CACHD1: variants seen among roughly 807,000 people sequenced by gnomAD.
The protein encoded by CACHD1 is cache domain containing 1, also known as VWFA and cache domain-containing protein 1.
CACHD1 carries 71 observed loss-of-function variants against 138.7 expected under a neutral mutation model. That is an observed-to-expected ratio of 0.51 (90% CI 0.42 to 0.62). CACHD1 has a LOEUF of 0.62. Among genes scored for constraint, CACHD1 ranks in the 20% least tolerant of loss-of-function variants. The pLI, the probability that CACHD1 is intolerant of heterozygous loss-of-function variation, is 0.00. For missense variants in CACHD1, 1,389 were observed against 1,625.3 expected (o/e 0.85, Z 2.50); for synonymous variants, 578 against 591.5 (o/e 0.98, Z 0.33).
chr1:64,550,760 C>T, intron 2 of CACHD1, 104 bp downstream of exon 2: 1 of 731,984 alleles, frequency 1.4e-6, no homozygotes, highest in Non-Finnish European at 2.4e-6. Context: ...CCTGTTCTTT[C>T]TCTCTGTATA....
At chr1:64,530,565 G>T (rs2100399929) in intron 1 of CACHD1, among the ~76,000 whole-genome samples, 1 of 151,952 alleles carries the variant, frequency 6.6e-6, no homozygotes, top group East Asian at 1.9e-4. Flanking sequence ...CTCTTCCCTG[G>T]AATGGTTACT....
intron 4 of CACHD1, chr1:64,613,469 C>G (rs1360753808): frequency 6.6e-6 from 1 of 152,110 alleles, no homozygotes; most frequent in African/African-American, 2.4e-5. Flanking sequence ...ACTTTATTGC[C>G]TTACTCACTT....
intron 13 of CACHD1, among the ~76,000 whole-genome samples, 157 bp from the exon 14 acceptor site, chr1:64,663,538 G>A (rs1307192340): frequency 2.8e-5 from 4 of 142,686 alleles, no homozygotes; most frequent in African/African-American, 7.9e-5. Context: ...GCCACAGAGC[G>A]AGACTCCATC....
intron 2 of CACHD1, among the ~76,000 whole-genome samples, chr1:64,569,273 AACAC>A (rs1646908023): frequency 6.6e-6 from 1 of 152,232 alleles, no homozygotes; most frequent in Admixed American, 6.5e-5. Context: ...TAAAAAAATA[AACAC>A]ACACAAATAT....
At chr1:64,659,026 C>T (rs1649355651) in intron 13 of CACHD1, among the ~76,000 whole-genome samples, 153 bp downstream of exon 13, 1 of 152,126 alleles carries the variant, frequency 6.6e-6, no homozygotes, top group African/African-American at 2.4e-5. Flanking sequence ...GATTTGAAGC[C>T]TGGCCTCAAA....
chr1:64,593,378 A>T (rs1217365580), intron 3 of CACHD1, among the ~76,000 whole-genome samples: 1 of 152,194 alleles, frequency 6.6e-6, no homozygotes, highest in Non-Finnish European at 1.5e-5. Context: ...CACATGGAAA[A>T]TATGATATAA....
intron 1 of CACHD1, among the ~76,000 whole-genome samples, chr1:64,538,156 T>C (rs72929127): frequency 0.065 from 9,943 of 152,216 alleles, 491 homozygotes; most frequent in African/African-American, 0.14. Flanking sequence ...TGAAAAACGA[T>C]ATAGTCAGGA....
intron 2 of CACHD1, among the ~76,000 whole-genome samples, chr1:64,554,469 C>T (rs1333849824): frequency 6.6e-6 from 1 of 152,170 alleles, no homozygotes; most frequent in Non-Finnish European, 1.5e-5. Context: ...CAGACTGCTT[C>T]CACAGTGGCT....
chr1:64,673,062 T>C (rs771784574), intron 17 of CACHD1, 96 bp from the exon 18 acceptor site: 21 of 1,025,382 alleles, frequency 2.0e-5, no homozygotes, highest in Middle Eastern at 3.2e-4. Context: ...TAAATGCAGT[T>C]TGTTTCAGGG....
At chr1:64,583,393 A>G (rs1303806856) in intron 3 of CACHD1, among the ~76,000 whole-genome samples, 3 of 152,308 alleles carry the variant, frequency 2.0e-5, no homozygotes, top group African/African-American at 7.2e-5. Flanking sequence ...CTAACACTCA[A>G]TACCCACATG....
At chr1:64,485,360 A>G (rs1461012322) in intron 1 of CACHD1, among the ~76,000 whole-genome samples, 5 of 152,056 alleles carry the variant, frequency 3.3e-5, no homozygotes, top group Admixed American at 3.3e-4. Flanking sequence ...TATTCTCCAT[A>G]TCTATAGTTT....
intron 1 of CACHD1, among the ~76,000 whole-genome samples, chr1:64,539,599 C>T (rs140633779): frequency 6.6e-6 from 1 of 152,138 alleles, no homozygotes; most frequent in Non-Finnish European, 1.5e-5. Flanking sequence ...AATATGCAGG[C>T]CAATGTGTAG....
intron 4 of CACHD1, among the ~76,000 whole-genome samples, chr1:64,626,377 A>G (rs1241230546): frequency 1.3e-5 from 2 of 152,250 alleles, no homozygotes; most frequent in Non-Finnish European, 2.9e-5. Context: ...CAGATAACAT[A>G]TTGCTACTGG....
intron 2 of CACHD1, among the ~76,000 whole-genome samples, chr1:64,555,147 C>T (rs1646787304): frequency 6.6e-6 from 1 of 152,000 alleles, no homozygotes; most frequent in Non-Finnish European, 1.5e-5. Context: ...CACCACCATG[C>T]CCAGTTCATT....
chr1:64,471,215 A>G (rs1646142114), intron 1 of CACHD1, among the ~76,000 whole-genome samples: 1 of 152,108 alleles, frequency 6.6e-6, no homozygotes, highest in Admixed American at 6.5e-5. Flanking sequence ...TCTTCTGAGT[A>G]CCAGCGCCTT....
chr1:64,470,727 G>A lies in CACHD1; in HGVS notation c.-18G>A, dbSNP rs1646138014. On this transcript the variant is annotated 5_prime_UTR_variant, in exon 1 of 27. Coordinates refer to ENST00000651257, the MANE Select transcript of CACHD1 (RefSeq NM_020925.4). This position sits in a 1 kb window ranked among gnomAD's most constrained non-coding sequence, Gnocchi z 5.2. ...CCCCGCGCCCGGAGCCCGTCGGCGG[G>A]GAGTGGGGGGAGGCAGCATGGCCCG... The A allele has an allele frequency of 5.5e-6, 3 of 542,918 alleles. No homozygotes were observed. In the South Asian group the frequency reaches 9.2e-5, roughly 17 times the overall value. The allele number at this position is 542,918 out of a possible 1,614,324, so 33.6% of individuals were successfully genotyped here. A position where few individuals can be genotyped will look rare whatever the true frequency, so the allele number is the denominator to read the frequency against.
At chr1:64,480,384 G>T (rs867298955) in intron 1 of CACHD1, among the ~76,000 whole-genome samples, 1 of 151,662 alleles carries the variant, frequency 6.6e-6, no homozygotes, top group Non-Finnish European at 1.5e-5. Flanking sequence ...TTTTTTTTCC[G>T]CATTTTTCTC....
chr1:64,495,960 T>A (rs1311590132), intron 1 of CACHD1, among the ~76,000 whole-genome samples: 1 of 152,200 alleles, frequency 6.6e-6, no homozygotes, highest in African/African-American at 2.4e-5. Context: ...TTGGTAGCTA[T>A]ATTTTCGTTT....
chr1:64,505,608 C>A (rs1370203914), intron 1 of CACHD1, among the ~76,000 whole-genome samples: 4 of 130,080 alleles, frequency 3.1e-5, no homozygotes, highest in African/African-American at 8.8e-5. Flanking sequence ...CCTGGGCACA[C>A]CCTATGCCGC....
Sources: allele counts gnomAD v4.1 joint callset (sites outside exome capture counted in the v4.1 genomes callset), GRCh38; gene constraint gnomAD v4.1.1; non-coding constraint Gnocchi (gnomAD v3.1); transcripts MANE v1.5; gene names NCBI Gene and HGNC (gene_info 2026-07-23, HGNC 2026-07-21).